The following PDIA5 variants were observed in gnomAD, a reference collection of about 807,000 sequenced individuals.
The protein encoded by PDIA5 is protein disulfide isomerase family A member 5.
A neutral mutation model predicts 77.6 loss-of-function variants in PDIA5; 58 were observed. The ratio of observed to expected loss-of-function variants is 0.75; its 90% CI spans 0.61 to 0.93. The LOEUF (loss-of-function observed/expected upper bound fraction) is 0.93. Among genes scored for constraint, PDIA5 ranks in the 40% least tolerant of loss-of-function variants. The pLI is 0.00. For synonymous variants in PDIA5, 250 were observed against 252.1 expected, an observed-to-expected ratio of 0.99 and a Z score of 0.08; for missense variants, 630 against 647.7, an observed-to-expected ratio of 0.97 and a Z score of 0.30.
chr3:123,134,019 CCTTTT>C (rs1160062820), intron 11 of PDIA5, among the ~76,000 whole-genome samples: 3 of 146,732 alleles, frequency 2.0e-5, no homozygotes, highest in African/African-American at 5.1e-5. Flanking sequence ...CTTTTCTTTT[CCTTTT>C]CTTTTCTTTC....
intron 14 of PDIA5, 76 bp from the exon 15 acceptor site, chr3:123,154,895 C>T: frequency 1.0e-6 from 1 of 972,768 alleles, no homozygotes; most frequent in South Asian, 1.3e-5. Flanking sequence ...CTGGAGCTTT[C>T]AGGAAGGGTC....
At chr3:123,156,866 G>T (rs1307719157) in intron 15 of PDIA5, among the ~76,000 whole-genome samples, 1 of 152,210 alleles carries the variant, frequency 6.6e-6, no homozygotes, top group Non-Finnish European at 1.5e-5. Flanking sequence ...CTAGACCGCC[G>T]CTGAGGCTGT....
intron 13 of PDIA5, 92 bp downstream of exon 13, chr3:123,146,351 T>C: frequency 1.9e-6 from 2 of 1,076,180 alleles, no homozygotes; most frequent in South Asian, 3.0e-5. Flanking sequence ...TTATGGTCAA[T>C]GTCCTGGGCT....
At chr3:123,156,199 G>A (rs1232880306) in intron 15 of PDIA5, among the ~76,000 whole-genome samples, 2 of 152,178 alleles carry the variant, frequency 1.3e-5, no homozygotes, top group Admixed American at 6.5e-5. Flanking sequence ...AAAGCCAAAG[G>A]AAGCCAGGCT....
chr3:123,135,261 A>T (rs920179093), intron 11 of PDIA5, among the ~76,000 whole-genome samples: 1 of 152,122 alleles, frequency 6.6e-6, no homozygotes, highest in Non-Finnish European at 1.5e-5. Flanking sequence ...CTGAGTAGAC[A>T]TCATTTATAT....
chr3:123,068,066 T>G, intron 1 of PDIA5, among the ~76,000 whole-genome samples: 1 of 152,166 alleles, frequency 6.6e-6, no homozygotes, highest in East Asian at 1.9e-4. Context: ...GTCTGGGGTT[T>G]GGCCTTCGTT....
chr3:123,132,270 G>A (rs577660261), intron 11 of PDIA5, among the ~76,000 whole-genome samples: 14 of 152,232 alleles, frequency 9.2e-5, no homozygotes, highest in Admixed American at 5.9e-4. Flanking sequence ...TCTCCTGGCC[G>A]CCTCCCCTTC....
chr3:123,154,512 C>A (rs1050145728), intron 14 of PDIA5, among the ~76,000 whole-genome samples: 1 of 152,140 alleles, frequency 6.6e-6, no homozygotes, highest in African/African-American at 2.4e-5. Context: ...AGAGTAGTTG[C>A]CCCAAAATCC....
In PDIA5 at chr3:123,089,196, C is replaced by G; in HGVS notation, c.71C>G (p.Ala24Gly). Residue 24 changes from alanine to glycine, a missense_variant, in exon 2 of 17, where the codon GCA becomes GGA. Coordinates refer to ENST00000316218, the MANE Select transcript of PDIA5 (RefSeq NM_006810.4). Reference sequence around the variant, plus strand: ...GTCCTGCCATCATGGCTGTCCTCTGCAAAGGTCTCCTCGCTCATTGAGAGA... The same window carrying G: ...GTCCTGCCATCATGGCTGTCCTCTGGAAAGGTCTCCTCGCTCATTGAGAGA... The part of the protein sequence containing the change: ...WVVLPSWLSS[A>G]KVSSLIERIS... 6.2e-7 allele frequency: 1 copy of G among 1,613,964 alleles called. No individual in the cohort carries two copies. Among genetic ancestry groups the G allele is most frequent in the Non-Finnish European group, 8.5e-7 (1 of 1,179,838 alleles).
chr3:123,134,664 A>G (rs1935449226), intron 11 of PDIA5, among the ~76,000 whole-genome samples: 1 of 152,156 alleles, frequency 6.6e-6, no homozygotes, highest in Non-Finnish European at 1.5e-5. Flanking sequence ...AACCCTCCAC[A>G]GATACTTCAG....
chr3:123,110,979 G>C lies in PDIA5; in HGVS notation c.516G>C (p.Pro172=). The C allele has an allele frequency of 6.2e-7, 1 of 1,613,750 alleles. No homozygotes were observed. The highest frequency in any genetic ancestry group is 8.5e-7 in the Non-Finnish European group (1 of 1,179,796). ...GGCTCCTGAAGAAGGAAGAGAAGCC[G>C]CTCCTGATCATGTTTTATGCCCCCT... ...FRRLLKKEEK[P]LLIMFYAPWC... The change falls in exon 7 of 17, where the codon CCG becomes CCC. Residue 172 remains proline, a synonymous_variant. Transcript: ENST00000316218.
intron 10 of PDIA5, among the ~76,000 whole-genome samples, chr3:123,125,366 T>C (rs1184892466): frequency 6.6e-6 from 1 of 152,232 alleles, no homozygotes; most frequent in Non-Finnish European, 1.5e-5. Flanking sequence ...GTTCTCTTCA[T>C]TTTATGAATG....
Position 123,152,072 on chromosome 3 carries a change from T to TCTTCCTGCCTTC in PDIA5, c.1273+1723_1273+1734dup, listed in dbSNP as rs1935924459. 7.9e-5 allele frequency among the ~76,000 whole-genome samples: 2 copies of TCTTCCTGCCTTC among 25,162 alleles called. 1 individual carries two copies. Among genetic ancestry groups the TCTTCCTGCCTTC allele is most frequent in the Non-Finnish European group, 1.6e-4 (2 of 12,254 alleles). 16.5% of individuals were successfully genotyped at this position (25,162 alleles called of 152,430 possible). On this transcript the variant is annotated intron_variant, in intron 14 of 16. Coordinates refer to ENST00000316218, the MANE Select transcript of PDIA5 (RefSeq NM_006810.4). The stretch of plus-strand genomic sequence containing the variant: ...GCCTGCCTTCCTTCCTGCCTGCCTT[T>TCTTCCTGCCTTC]CTTCCTGCCTTCCTTCCTGCCTTCC...
rs112095822 is a variant in PDIA5 at position 123,102,560 on chromosome 3, G to A, written c.341+66G>A. On this transcript the variant is annotated intron_variant, in intron 4 of 16. Transcript: ENST00000316218. The stretch of plus-strand genomic sequence containing the variant: ...AAATGCTTTCATTGGTATTTTCAGC[G>A]AACAGCAATTTTTAGTTAGATTAAT... The A allele has an allele frequency of 1.5e-4, 184 of 1,244,130 alleles. No individual in the cohort carries two copies. In the African/African-American group the frequency reaches 2.0e-3, roughly 14 times the overall value. 77.1% of individuals were successfully genotyped at this position (1,244,130 alleles called of 1,614,324 possible).
intron 15 of PDIA5, among the ~76,000 whole-genome samples, chr3:123,160,057 GATCTAATTTGTC>G (rs1290704968): frequency 2.0e-5 from 3 of 152,214 alleles, no homozygotes; most frequent in African/African-American, 7.2e-5. Flanking sequence ...TATCTAAAAT[GATCTAATTTGTC>G]ATACAGCAGA....
rs1553803832 is a variant in PDIA5 at position 123,140,594 on chromosome 3, G to GAGGT, written c.911-4928_911-4927insAGGT. ...CGAGGGGTTGTCCAGGGTGGATGTT[G>GAGGT]CCTATCCATCAGAGCAGGGGCTGGG... On this transcript the variant is annotated intron_variant, in intron 11 of 16. Coordinates refer to ENST00000316218, the MANE Select transcript of PDIA5 (RefSeq NM_006810.4). 3.9e-5 allele frequency among the ~76,000 whole-genome samples: 6 copies of GAGGT among 152,038 alleles called. No homozygotes were observed. In the South Asian group the frequency reaches 6.2e-4, roughly 16 times the overall value.
intron 3 of PDIA5, among the ~76,000 whole-genome samples, chr3:123,100,358 T>C (rs1382614922): frequency 6.6e-6 from 1 of 152,268 alleles, no homozygotes; most frequent in African/African-American, 2.4e-5. Context: ...CTCAGAGGGC[T>C]TAAGGATAAG....
intron 3 of PDIA5, among the ~76,000 whole-genome samples, chr3:123,096,641 C>T (rs1934449050): frequency 1.3e-5 from 2 of 152,166 alleles, no homozygotes; most frequent in African/African-American, 4.8e-5. Flanking sequence ...CTGGTTTTCT[C>T]CCCGGTCCAG....
chr3:123,150,186 A>G (rs373048622), intron 13 of PDIA5, 48 bp from the exon 14 acceptor site: 2 of 1,515,686 alleles, frequency 1.3e-6, no homozygotes, highest in East Asian at 4.5e-5. Context: ...TTGCCCATCT[A>G]AAAATCTCTC....
Sources: gnomAD v4.1 joint callset for allele counts (sites outside exome capture counted in the v4.1 genomes callset) on GRCh38, gnomAD v4.1.1 for gene constraint, MANE v1.5 for transcripts, NCBI Gene and HGNC (gene_info 2026-07-23, HGNC 2026-07-21) for gene names.